Variants in SORCS1 observed in about 807,000 individuals in gnomAD.
SORCS1 encodes VPS10 domain-containing receptor SorCS1.
Under a neutral mutation model 146.1 loss-of-function variants are expected in SORCS1, and 60 were observed. The ratio of observed to expected loss-of-function variants is 0.41; its 90% CI spans 0.33 to 0.51. The LOEUF is 0.51. Among genes scored for constraint, SORCS1 ranks in the 20% least tolerant of loss-of-function variants. The pLI is 0.21. For synonymous variants in SORCS1, 637 were observed against 584.0 expected (o/e 1.09, Z -1.31); for missense variants, 1,352 against 1,487.6 (o/e 0.91, Z 1.50).
Position 106,574,899 on chromosome 10 carries a change from G to A in SORCS1, c.*2521C>T, listed in dbSNP as rs1300663537. On this transcript the variant is annotated 3_prime_UTR_variant, in exon 26 of 26. Coordinates refer to ENST00000263054, the MANE Select transcript of SORCS1 (RefSeq NM_052918.5). ...CTTCCCAAAATGCCAGGTATCTCATGTCGACCTCTATTTTTAATTAGGATT... is the reference window on the plus strand; with the variant it reads ...CTTCCCAAAATGCCAGGTATCTCATATCGACCTCTATTTTTAATTAGGATT... The A allele has an allele frequency of 6.6e-6, 1 of 152,560 alleles. No individual in the cohort carries two copies. The highest frequency in any genetic ancestry group is 1.5e-5 in the Non-Finnish European group (1 of 68,040). 9.5% of individuals were successfully genotyped at this position (152,560 alleles called of 1,614,324 possible). A position where few individuals can be genotyped will look rare whatever the true frequency, so the allele number is the denominator to read the frequency against.
At chr10:106,991,233 T>C (rs1564897573) in intron 1 of SORCS1, among the ~76,000 whole-genome samples, 1 of 152,224 alleles carries the variant, frequency 6.6e-6, no homozygotes, top group Non-Finnish European at 1.5e-5. Flanking sequence ...TCAGCACGTG[T>C]TCTAGCAGCC....
intron 5 of SORCS1, among the ~76,000 whole-genome samples, chr10:106,749,722 AAC>A (rs1858005018): frequency 6.6e-6 from 1 of 152,228 alleles, no homozygotes; most frequent in Non-Finnish European, 1.5e-5. Flanking sequence ...ACATTTCAGA[AAC>A]ACATTAATAT....
rs532276158 is a variant in SORCS1 at position 106,763,080 on chromosome 10, G to A, written c.886-1419C>T. ...CATTGTGGTGTGCCTATGTCATATA[G>A]ATATATCGATATTTAGTAACATACA... On this transcript the variant is annotated intron_variant, in intron 4 of 25. Coordinates refer to ENST00000263054, the MANE Select transcript of SORCS1 (RefSeq NM_052918.5). Among the ~76,000 whole-genome samples, 6 of 152,142 alleles carry A rather than the reference G, an allele frequency of 3.9e-5. No homozygotes were observed. The South Asian group carries it at 1.2e-3, about 32-fold the overall frequency.
At chr10:107,034,673 T>C in intron 1 of SORCS1, among the ~76,000 whole-genome samples, 1 of 38,718 alleles carries the variant, frequency 2.6e-5, no homozygotes, top group Admixed American at 5.2e-4. Context: ...TGAGCGAAAC[T>C]CCATCTCAAA....
chr10:106,989,670 GTTTTTTTTTGTT>G (rs772887883), intron 1 of SORCS1, among the ~76,000 whole-genome samples: 21,838 of 115,552 alleles, frequency 0.19, 2,048 homozygotes, highest in Middle Eastern at 0.29. Context: ...TATTTTTTCT[GTTTTTTTTTGTT>G]TTTTTTTTTT....
chr10:106,914,884 T>C (rs1451393629), intron 2 of SORCS1, among the ~76,000 whole-genome samples: 4 of 152,200 alleles, frequency 2.6e-5, no homozygotes, highest in African/African-American at 9.6e-5. Context: ...TGCTCAACAT[T>C]GATCTTGGAT....
At chr10:107,077,214 C>T (rs900115464) in intron 1 of SORCS1, among the ~76,000 whole-genome samples, 8 of 152,040 alleles carry the variant, frequency 5.3e-5, no homozygotes, top group Admixed American at 5.2e-4. Context: ...ATGGTTTAGC[C>T]ATTTTTCTAG....
intron 3 of SORCS1, among the ~76,000 whole-genome samples, chr10:106,801,183 A>G (rs1254186901): frequency 6.6e-6 from 1 of 152,152 alleles, no homozygotes; most frequent in Non-Finnish European, 1.5e-5. Flanking sequence ...TGAACACCTA[A>G]TTTTCACATA....
At chr10:107,054,455 G>A (rs1248139828) in intron 1 of SORCS1, among the ~76,000 whole-genome samples, 1 of 152,164 alleles carries the variant, frequency 6.6e-6, no homozygotes, top group Non-Finnish European at 1.5e-5. Flanking sequence ...AAGAGTCCAA[G>A]TAGAGAGATT....
At chr10:106,787,900 G>A (rs1462630428) in intron 3 of SORCS1, among the ~76,000 whole-genome samples, 1 of 152,172 alleles carries the variant, frequency 6.6e-6, no homozygotes, top group Non-Finnish European at 1.5e-5. Flanking sequence ...AGTTGAATAA[G>A]TTCATGAAGA....
intron 3 of SORCS1, among the ~76,000 whole-genome samples, chr10:106,824,077 G>A (rs1457001335): frequency 2.6e-5 from 4 of 152,028 alleles, no homozygotes; most frequent in Admixed American, 6.6e-5. Context: ...GCCGAGGCGG[G>A]TGGATCACCT....
chr10:106,825,661 A>T (rs1292903882), intron 3 of SORCS1, among the ~76,000 whole-genome samples: 1 of 151,632 alleles, frequency 6.6e-6, no homozygotes, highest in African/African-American at 2.4e-5. Flanking sequence ...AGGTTAAATC[A>T]TCTTTTCTTA....
chr10:107,165,999 A>T (rs1009388643), upstream of SORCS1, among the ~76,000 whole-genome samples: 1 of 152,196 alleles, frequency 6.6e-6, no homozygotes, highest in Non-Finnish European at 1.5e-5. The surrounding 1 kb of genome is among the most constrained non-coding windows in gnomAD (Gnocchi z 4.0). Flanking sequence ...ACGGCAAAGG[A>T]TTTCTCAAAA....
At chr10:107,080,152 T>C (rs992698136) in intron 1 of SORCS1, among the ~76,000 whole-genome samples, 15 of 152,194 alleles carry the variant, frequency 9.9e-5, no homozygotes, top group Non-Finnish European at 1.9e-4. Flanking sequence ...ACAACCTGCT[T>C]CTAATGTATT....
chr10:106,743,367 C>G (rs1589784921), intron 5 of SORCS1, among the ~76,000 whole-genome samples: 2 of 152,140 alleles, frequency 1.3e-5, no homozygotes, highest in Non-Finnish European at 2.9e-5. Flanking sequence ...CCAGTCCCAC[C>G]ACACCACCAT....
intron 5 of SORCS1, among the ~76,000 whole-genome samples, chr10:106,749,221 C>G (rs943071897): frequency 1.3e-5 from 2 of 152,174 alleles, no homozygotes; most frequent in African/African-American, 4.8e-5. Flanking sequence ...GCAGTCAATT[C>G]CTTCCAAGAC....
intron 5 of SORCS1, among the ~76,000 whole-genome samples, chr10:106,739,983 A>G (rs1013318622): frequency 2.6e-5 from 4 of 151,522 alleles, no homozygotes; most frequent in Non-Finnish European, 4.4e-5. Context: ...TTTAAACCTG[A>G]GCATTTTGCT....
intron 3 of SORCS1, among the ~76,000 whole-genome samples, chr10:106,802,425 G>A (rs1453942192): frequency 2.0e-5 from 3 of 151,996 alleles, no homozygotes; most frequent in African/African-American, 4.8e-5. Context: ...TCTGCCTCCC[G>A]GGTTCAAACA....
chr10:106,823,918 A>C (rs1948171622), intron 3 of SORCS1, among the ~76,000 whole-genome samples: 1 of 152,206 alleles, frequency 6.6e-6, no homozygotes, highest in African/African-American at 2.4e-5. Flanking sequence ...TAATATCCCC[A>C]AAATCTTTTA....
Sources: gnomAD v4.1 joint callset for allele counts (sites outside exome capture counted in the v4.1 genomes callset) on GRCh38, gnomAD v4.1.1 for gene constraint, Gnocchi (gnomAD v3.1) non-coding constraint, MANE v1.5 for transcripts, NCBI Gene and HGNC (gene_info 2026-07-23, HGNC 2026-07-21) for gene names.